The following TNRC18 variants were observed in gnomAD, a reference collection of about 807,000 sequenced individuals.
TNRC18 encodes trinucleotide repeat-containing gene 18 protein.
TNRC18 carries 69 observed loss-of-function variants against 226.7 expected under a neutral mutation model. That is an observed-to-expected ratio of 0.30 (90% CI 0.25 to 0.37). The LOEUF is 0.37. Ranked by LOEUF, TNRC18 falls within the 10% of genes least tolerant of loss-of-function variation. The pLI, the probability that TNRC18 is intolerant of heterozygous loss-of-function variation, is 1.00. For missense variants in TNRC18, 4,754 were observed against 4,256.6 expected, an observed-to-expected ratio of 1.12 and a Z score of -3.25; for synonymous variants, 2,449 against 1,927.6, an observed-to-expected ratio of 1.27 and a Z score of -7.09.
At chr7:5,395,951 C>A (rs982131780) in intron 2 of TNRC18, among the ~76,000 whole-genome samples, 2 of 149,646 alleles carry the variant, frequency 1.3e-5, no homozygotes, top group East Asian at 2.0e-4. Flanking sequence ...GAGCTGAGAT[C>A]GCTCCACTGC....
chr7:5,376,126 A>T lies in TNRC18; in HGVS notation c.2707T>A (p.Ser903Thr). 1 of 1,590,392 alleles carries T rather than the reference A, an allele frequency of 6.3e-7. No individual in the cohort carries two copies. Among genetic ancestry groups the T allele is most frequent in the Non-Finnish European group, 8.6e-7 (1 of 1,169,378 alleles). Residue 903 changes from serine (S) to threonine (T), a missense_variant, in exon 9 of 30, where the codon TCA (serine) becomes ACA (threonine). Coordinates refer to ENST00000430969, the MANE Select transcript of TNRC18 (RefSeq NM_001080495.3). ...LHHAQQLQLFSQQHFLRQQEF... is the reference protein window; with the variant it reads ...LHHAQQLQLFTQQHFLRQQEF... Reference sequence around the variant, plus strand: ...TGCTGCCGCAGGAAGTGCTGCTGTGAGAAGAGCTGCAGCTGCTGGGCGTGG... The same window carrying T: ...TGCTGCCGCAGGAAGTGCTGCTGTGTGAAGAGCTGCAGCTGCTGGGCGTGG...
At position 5,320,800 on chromosome 7, in the gene TNRC18, C is replaced by G. The variant is rs111839264; in HGVS notation, c.6561-193G>C. ...TCCTCATCTGTAGGACTAGGGGTTGCAAGGCACAGTCCAGATCCTGAGAGA... is the reference window on the plus strand; with the variant it reads ...TCCTCATCTGTAGGACTAGGGGTTGGAAGGCACAGTCCAGATCCTGAGAGA... On this transcript the variant is annotated intron_variant, in intron 22 of 29. Coordinates refer to ENST00000430969, the MANE Select transcript of TNRC18 (RefSeq NM_001080495.3). 87 of 627,784 alleles carry G rather than the reference C, an allele frequency of 1.4e-4. No individual in the cohort carries two copies. The African/African-American group carries it at 1.5e-3, about 11-fold the overall frequency. 38.9% of individuals were successfully genotyped at this position (627,784 alleles called of 1,614,324 possible).
chr7:5,417,049 G>A (rs1463733964), intron 2 of TNRC18, among the ~76,000 whole-genome samples: 1 of 152,048 alleles, frequency 6.6e-6, no homozygotes, highest in Non-Finnish European at 1.5e-5. Context: ...TGAAATCCCA[G>A]CACTTTGGGA....
chr7:5,310,967 C>G (rs1787126881), intron 27 of TNRC18, among the ~76,000 whole-genome samples: 1 of 152,174 alleles, frequency 6.6e-6, no homozygotes. Flanking sequence ...TGCACGTGTA[C>G]TCGTGTGCAT....
Position 5,387,859 on chromosome 7 carries a change from G to C in TNRC18, c.1965C>G (p.Pro655=), listed in dbSNP as rs377708142. The change falls in exon 5 of 30, where the codon CCC becomes CCG. Residue 655 remains proline (P), a synonymous_variant. Transcript: ENST00000430969. ...AAGCTTTGGCGCTCTCGGGCCTCTC[G>C]GGGTCCCGCTTCAGCTGCCGGCCGC... The part of the protein sequence containing the change: ...AGGGRQLKRD[P]ERPESAKAFG... The C allele has an allele frequency of 3.8e-6, 6 of 1,599,532 alleles. No individual in the cohort carries two copies. The highest frequency in any genetic ancestry group is 4.3e-6 in the Non-Finnish European group (5 of 1,176,058).
chr7:5,377,067 A>G lies in TNRC18; in HGVS notation c.2462-74T>C, dbSNP rs1779033615. ...GTTTGTCCTCGGGCAGCCCCAGCCCAGCACCACCTCCCAAGTCCTGAACCT... is the reference window on the plus strand; with the variant it reads ...GTTTGTCCTCGGGCAGCCCCAGCCCGGCACCACCTCCCAAGTCCTGAACCT... On this transcript the variant is annotated intron_variant, in intron 7 of 29. Transcript: ENST00000430969. This position sits in a 1 kb window ranked among gnomAD's most constrained non-coding sequence, Gnocchi z 5.8. The G allele has an allele frequency of 1.3e-6, 2 of 1,520,980 alleles. No individual in the cohort carries two copies. Among genetic ancestry groups the G allele is most frequent in the Non-Finnish European group, 1.8e-6 (2 of 1,136,418 alleles). The allele number at this position is 1,520,980 out of a possible 1,614,324, so 94.2% of individuals were successfully genotyped here.
At chr7:5,396,921 G>A (rs943967931) in intron 2 of TNRC18, among the ~76,000 whole-genome samples, 3 of 152,160 alleles carry the variant, frequency 2.0e-5, no homozygotes, top group South Asian at 2.1e-4. Context: ...CCTCCCAGGG[G>A]CACAGGATCC....
chr7:5,342,250 G>A (rs541943152), intron 18 of TNRC18, among the ~76,000 whole-genome samples: 32 of 152,166 alleles, frequency 2.1e-4, no homozygotes, highest in South Asian at 1.0e-3. Context: ...CCGACATGGC[G>A]AAACCCTGTC....
intron 14 of TNRC18, among the ~76,000 whole-genome samples, chr7:5,361,076 T>C (rs951836934): frequency 6.6e-6 from 1 of 152,184 alleles, no homozygotes; most frequent in South Asian, 2.1e-4. Flanking sequence ...TCATTCCAGC[T>C]GGCGTTCAGA....
intron 2 of TNRC18, among the ~76,000 whole-genome samples, chr7:5,417,427 G>A (rs1407020745): frequency 2.0e-5 from 3 of 147,006 alleles, no homozygotes; most frequent in South Asian, 2.2e-4. Context: ...CTGAGATCAC[G>A]CTATTGCATT....
At chr7:5,372,279 A>C (rs1249897050) in intron 10 of TNRC18, among the ~76,000 whole-genome samples, 2 of 147,652 alleles carry the variant, frequency 1.4e-5, no homozygotes, top group Admixed American at 6.8e-5. Context: ...GGGTTTCACC[A>C]TGTTAGCCAG....
chr7:5,328,647 TACAGGTGACCGCCACCAC>T (rs1323480734), intron 19 of TNRC18, among the ~76,000 whole-genome samples: 1 of 151,988 alleles, frequency 6.6e-6, no homozygotes, highest in African/African-American at 2.4e-5. Flanking sequence ...TAGCTAGGAC[TACAGGTGACCGCCACCAC>T]ACCCGGCTAC....
Position 5,377,656 on chromosome 7 carries a change from A to G in TNRC18, c.2256-80T>C, listed in dbSNP as rs1779090173. 7.1e-7 allele frequency: 1 copy of G among 1,410,210 alleles called. No homozygotes were observed. 87.4% of individuals were successfully genotyped at this position (1,410,210 alleles called of 1,614,324 possible). On this transcript the variant is annotated intron_variant, in intron 6 of 29. Transcript: ENST00000430969. The surrounding 1 kb of genome is among the most constrained non-coding windows in gnomAD (Gnocchi z 5.8). ...GGGAGAAGCGGGGTTGCCCCAAGGA[A>G]CTGTTTGCCACCAGGCCATGAGTCA...
At chr7:5,414,436 G>A (rs1002276929) in intron 2 of TNRC18, among the ~76,000 whole-genome samples, 7 of 150,090 alleles carry the variant, frequency 4.7e-5, no homozygotes, top group South Asian at 2.1e-4. Context: ...TTTTTGAGAC[G>A]GAGTCTCACT....
chr7:5,339,613 G>A (rs1790484886), intron 18 of TNRC18, among the ~76,000 whole-genome samples: 1 of 150,386 alleles, frequency 6.6e-6, no homozygotes. Context: ...CACCCAGGAT[G>A]GAGGGCAGTG....
rs576045591 is a variant in TNRC18 at position 5,345,387 on chromosome 7, G to A, written c.5719+175C>T. Among the ~76,000 whole-genome samples, 131 of 152,328 alleles carry A rather than the reference G, an allele frequency of 8.6e-4. 2 individuals are homozygous for A. The South Asian group carries it at 0.026, about 31-fold the overall frequency. On this transcript the variant is annotated intron_variant, in intron 18 of 29. Coordinates refer to ENST00000430969, the MANE Select transcript of TNRC18 (RefSeq NM_001080495.3). ...CCCCTCCTTGGAGATGGCAGGCCAG[G>A]GCCCCTGTCGCGAGCATCCCTGATC...
At position 5,388,454 on chromosome 7, in the gene TNRC18, C is replaced by G; in HGVS notation, c.1370G>C (p.Arg457Pro). 2.8e-6 allele frequency: 4 copies of G among 1,445,592 alleles called. No individual in the cohort carries two copies. Among genetic ancestry groups the G allele is most frequent in the Non-Finnish European group, 3.6e-6 (4 of 1,111,820 alleles). 89.5% of individuals were successfully genotyped at this position (1,445,592 alleles called of 1,614,324 possible). ...CAGCTCCTTGGCAGGCACGTAGGCG[C>G]GGGGGTCCGGGGAGGCGCGTGTGGC... ...VRATRASPDP[R>P]AYVPAKELLK... is the part of the protein sequence containing the mutation. Residue 457 changes from arginine to proline, a missense_variant, in exon 5 of 30, where the codon CGC becomes CCC. Transcript: ENST00000430969.
chr7:5,409,355 T>TA (rs969516786), intron 2 of TNRC18, among the ~76,000 whole-genome samples: 52 of 147,714 alleles, frequency 3.5e-4, no homozygotes, highest in East Asian at 7.9e-4. Flanking sequence ...AGGATGCTAT[T>TA]AAAAAAAAAA....
At position 5,309,559 on chromosome 7, in the gene TNRC18, G is replaced by A. The variant is rs1339317864; in HGVS notation, c.8389-191C>T. Reference sequence around the variant, plus strand: ...CCCTCTTCCATCTCTTTGACATGCTGGGTCTCCAAGAGGCGCTTCCCTTGA... The same window carrying A: ...CCCTCTTCCATCTCTTTGACATGCTAGGTCTCCAAGAGGCGCTTCCCTTGA... On this transcript the variant is annotated intron_variant, in intron 27 of 29. Coordinates refer to ENST00000430969, the MANE Select transcript of TNRC18 (RefSeq NM_001080495.3). This position sits in a 1 kb window ranked among gnomAD's most constrained non-coding sequence, Gnocchi z 5.7. Among the ~76,000 whole-genome samples, 1 of 152,238 alleles carries A rather than the reference G, an allele frequency of 6.6e-6. No homozygotes were observed. The highest frequency in any genetic ancestry group is 1.5e-5 in the Non-Finnish European group (1 of 68,050).
Sources: allele counts gnomAD v4.1 joint callset (sites outside exome capture counted in the v4.1 genomes callset), GRCh38; gene constraint gnomAD v4.1.1; non-coding constraint Gnocchi (gnomAD v3.1); transcripts MANE v1.5; gene names NCBI Gene and HGNC (gene_info 2026-07-23, HGNC 2026-07-21).